CALD1: variants seen among roughly 807,000 people sequenced by gnomAD.
CALD1 encodes caldesmon.
A neutral mutation model predicts 99.9 loss-of-function variants in CALD1; 33 were observed. The ratio of observed to expected loss-of-function variants is 0.33; its 90% confidence interval spans 0.25 to 0.44. The LOEUF is 0.44. CALD1 is among the 20% of genes least tolerant of loss of function. The pLI, the probability that CALD1 is intolerant of heterozygous loss-of-function variation, is 1.00. For synonymous variants in CALD1, 310 were observed against 325.0 expected (o/e 0.95, Z 0.50); for missense variants, 861 against 962.1 (o/e 0.89, Z 1.39).
At chr7:134,771,911 C>T (rs929307925) in intron 1 of CALD1, among the ~76,000 whole-genome samples, 1 of 152,008 alleles carries the variant, frequency 6.6e-6, no homozygotes, top group Non-Finnish European at 1.5e-5. Flanking sequence ...TTCCTTTACT[C>T]TTTTTTTAAA....
chr7:134,748,361 G>C (rs868158223), intron 1 of CALD1, among the ~76,000 whole-genome samples: 2 of 152,182 alleles, frequency 1.3e-5, no homozygotes, highest in Non-Finnish European at 1.5e-5. Context: ...AATTGATGCT[G>C]GACTGAGTTA....
chr7:134,745,763 T>C (rs1993201), intron 1 of CALD1, among the ~76,000 whole-genome samples: 89,871 of 152,054 alleles, frequency 0.59, 27,325 homozygotes, highest in East Asian at 0.86. Context: ...ATATACTTCA[T>C]CTTCTTTTAA....
chr7:134,724,361 A>G, the CALD1 span, among the ~76,000 whole-genome samples: 4 of 152,184 alleles, frequency 2.6e-5, no homozygotes, highest in Admixed American at 2.6e-4. Context: ...CCTAGGTTTA[A>G]TATTCAGGGG....
At chr7:134,881,986 T>G (rs955426826) in intron 3 of CALD1, among the ~76,000 whole-genome samples, 2 of 152,260 alleles carry the variant, frequency 1.3e-5, no homozygotes, top group African/African-American at 4.8e-5. Flanking sequence ...CGTCGCACTT[T>G]TTACATATGT....
intron 1 of CALD1, among the ~76,000 whole-genome samples, chr7:134,821,035 C>A (rs373123347): frequency 6.6e-6 from 1 of 152,070 alleles, no homozygotes. Context: ...ACTTAGATTA[C>A]GTTTATGCGT....
chr7:134,811,751 T>C (rs1798361677), intron 1 of CALD1, among the ~76,000 whole-genome samples: 3 of 152,222 alleles, frequency 2.0e-5, no homozygotes, highest in Non-Finnish European at 1.5e-5. Context: ...ATTTTCCCTC[T>C]TTACTTGTTA....
In CALD1 at chr7:134,950,273, G is replaced by C. The variant is rs961812354; in HGVS notation, c.1795-101G>C. On this transcript the variant is annotated intron_variant, in intron 8 of 14. Transcript: ENST00000361675. ...AAGGGGAGTGTCCAGCCTGCGGCCTGAGTCTGCTGCCTCTCCAACTGTGCT... is the reference window on the plus strand; with the variant it reads ...AAGGGGAGTGTCCAGCCTGCGGCCTCAGTCTGCTGCCTCTCCAACTGTGCT... The C allele has an allele frequency of 9.4e-6, 11 of 1,169,864 alleles. No homozygotes were observed. In the African/African-American group the frequency reaches 1.7e-4, roughly 18 times the overall value. 72.5% of individuals were successfully genotyped at this position (1,169,864 alleles called of 1,614,324 possible).
chr7:134,961,384 G>C (rs1808250707), intron 13 of CALD1: 1 of 152,058 alleles, frequency 6.6e-6, no homozygotes, highest in Non-Finnish European at 1.5e-5. Context: ...TTATAGCTTT[G>C]TTGGTGCCCA....
At chr7:134,751,743 G>A (rs1348679575) in intron 1 of CALD1, among the ~76,000 whole-genome samples, 4 of 152,134 alleles carry the variant, frequency 2.6e-5, no homozygotes, top group African/African-American at 4.8e-5. Context: ...TCAGGAGGCC[G>A]AGGCAGTGAA....
chr7:134,878,449 A>G (rs1801449247), intron 3 of CALD1, among the ~76,000 whole-genome samples: 1 of 152,164 alleles, frequency 6.6e-6, no homozygotes. Context: ...GGCGCCTGTA[A>G]TTCCAGCTAC....
At chr7:134,797,729 A>T (rs1797800215) in intron 1 of CALD1, among the ~76,000 whole-genome samples, 3 of 152,072 alleles carry the variant, frequency 2.0e-5, no homozygotes, top group Admixed American at 2.0e-4. Context: ...AGTAACTGGG[A>T]CTATAGGCAC....
chr7:134,793,689 T>C (rs1325314535), intron 1 of CALD1, among the ~76,000 whole-genome samples: 3 of 152,072 alleles, frequency 2.0e-5, no homozygotes, highest in Non-Finnish European at 4.4e-5. Flanking sequence ...CAGTTAATAA[T>C]TTCCCTAAAA....
chr7:134,823,028 C>T lies in CALD1; in HGVS notation c.-129-20856C>T, dbSNP rs190763684. Among the ~76,000 whole-genome samples, 30 of 152,230 alleles carry T rather than the reference C, an allele frequency of 2.0e-4. No individual in the cohort carries two copies. In the East Asian group the frequency reaches 4.2e-3, roughly 22 times the overall value. ...TAGGTCTGTAGAAAAATGACTTCTC[C>T]GTGGGTCACCCTGCCCACCCCACCT... On this transcript the variant is annotated intron_variant, in intron 1 of 14. Transcript: ENST00000361675.
intron 3 of CALD1, 130 bp downstream of exon 3, chr7:134,867,934 G>A: frequency 1.1e-5 from 5 of 447,416 alleles, no homozygotes; most frequent in Non-Finnish European, 2.0e-5. Context: ...AAGTAGTTAT[G>A]GAAAATTTTT....
the CALD1 span, among the ~76,000 whole-genome samples, chr7:134,729,568 G>A: frequency 6.6e-6 from 1 of 152,216 alleles, no homozygotes; most frequent in Non-Finnish European, 1.5e-5. Context: ...GACACACAAG[G>A]AAGATTTGAA....
chr7:134,873,420 T>C (rs879837106), intron 3 of CALD1, among the ~76,000 whole-genome samples: 8 of 152,170 alleles, frequency 5.3e-5, no homozygotes, highest in African/African-American at 1.7e-4. Flanking sequence ...GAATTATGTG[T>C]GGATGTGCTG....
chr7:134,849,940 C>G (rs1249753778), intron 2 of CALD1, among the ~76,000 whole-genome samples: 2 of 152,224 alleles, frequency 1.3e-5, no homozygotes, highest in African/African-American at 4.8e-5. Flanking sequence ...TGCCCTGAAA[C>G]TGACACAGAT....
At chr7:134,841,002 C>T (rs1799627503) in intron 1 of CALD1, among the ~76,000 whole-genome samples, 1 of 152,166 alleles carries the variant, frequency 6.6e-6, no homozygotes, top group African/African-American at 2.4e-5. Flanking sequence ...CAACACTCTT[C>T]TCTGAGCACC....
At chr7:134,909,591 G>A (rs1437035393) in intron 3 of CALD1, among the ~76,000 whole-genome samples, 2 of 152,180 alleles carry the variant, frequency 1.3e-5, no homozygotes, top group Admixed American at 6.5e-5. Flanking sequence ...GCTGAGGCAG[G>A]AGAATTGCCT....
Sources: allele counts gnomAD v4.1 joint callset (sites outside exome capture counted in the v4.1 genomes callset), GRCh38; gene constraint gnomAD v4.1.1; transcripts MANE v1.5; gene names NCBI Gene and HGNC (gene_info 2026-07-23, HGNC 2026-07-21).